CACNG2: variants seen among roughly 807,000 people sequenced by gnomAD.
The protein encoded by CACNG2 is voltage-dependent calcium channel gamma-2 subunit.
Under a neutral mutation model 25.9 loss-of-function variants are expected in CACNG2, and 3 were observed. That is an observed-to-expected ratio of 0.12 (90% CI 0.05 to 0.30). The LOEUF is 0.30. CACNG2 is among the 10% of genes least tolerant of loss of function. The pLI, the probability that CACNG2 is intolerant of heterozygous loss-of-function variation, is 1.00. For missense variants in CACNG2, 341 were observed against 432.5 expected (o/e 0.79, Z 1.88); for synonymous variants, 167 against 173.3 (o/e 0.96, Z 0.29).
rs568807519 is a variant in CACNG2 at position 36,637,926 on chromosome 22, G to T, written c.212-50378C>A. On this transcript the variant is annotated intron_variant, in intron 1 of 3. Coordinates refer to ENST00000300105, the MANE Select transcript of CACNG2 (RefSeq NM_006078.5). ...AGTCCCAGCTACTCAGGAGGCTGAG[G>T]CAGGAGAATGGCTTGAAGCTGGGAG... is the stretch of plus-strand genomic sequence containing the variant. Among the ~76,000 whole-genome samples the T allele has an allele frequency of 2.6e-5, 4 of 152,176 alleles. No individual in the cohort carries two copies. The South Asian group carries it at 8.3e-4, about 32-fold the overall frequency.
intron 2 of CACNG2, among the ~76,000 whole-genome samples, chr22:36,570,320 T>A (rs1351994261): frequency 1.3e-5 from 2 of 152,064 alleles, no homozygotes; most frequent in East Asian, 1.9e-4. Flanking sequence ...TGTGGAGGAA[T>A]CAGAACGGCT....
chr22:36,700,238 T>G (rs970862492), intron 1 of CACNG2, among the ~76,000 whole-genome samples: 2 of 152,092 alleles, frequency 1.3e-5, no homozygotes, highest in Non-Finnish European at 2.9e-5. Context: ...TTAAAGGGGG[T>G]GGGCAGCACA....
intron 1 of CACNG2, among the ~76,000 whole-genome samples, chr22:36,643,707 A>G (rs1936478136): frequency 6.6e-6 from 1 of 152,222 alleles, no homozygotes; most frequent in African/African-American, 2.4e-5. Flanking sequence ...CCTGACAGCC[A>G]AAGCAGAGAG....
chr22:36,626,787 AG>A (rs758369724), intron 1 of CACNG2, among the ~76,000 whole-genome samples: 1 of 152,242 alleles, frequency 6.6e-6, no homozygotes, highest in Non-Finnish European at 1.5e-5. Flanking sequence ...AGCTATACAT[AG>A]GGAGATCTTG....
chr22:36,680,228 C>T (rs1937085653), intron 1 of CACNG2, among the ~76,000 whole-genome samples: 3 of 150,658 alleles, frequency 2.0e-5, no homozygotes, highest in Admixed American at 2.0e-4. Context: ...ACTACCACCA[C>T]CATCATCACC....
intron 1 of CACNG2, among the ~76,000 whole-genome samples, chr22:36,668,611 C>G (rs1343228367): frequency 6.6e-6 from 1 of 152,048 alleles, no homozygotes; most frequent in Non-Finnish European, 1.5e-5. Context: ...GCCTCAGCCT[C>G]CAGAGTAGCT....
intron 1 of CACNG2, among the ~76,000 whole-genome samples, chr22:36,682,851 G>C (rs1018764015): frequency 5.3e-5 from 8 of 152,192 alleles, no homozygotes; most frequent in Non-Finnish European, 7.3e-5. Context: ...AATCTTCCCG[G>C]CATGGACGGC....
At chr22:36,617,076 T>C (rs539471933) in intron 1 of CACNG2, among the ~76,000 whole-genome samples, 8 of 152,160 alleles carry the variant, frequency 5.3e-5, no homozygotes, top group Non-Finnish European at 5.9e-5. Context: ...GGGTTTTCAA[T>C]GAAGTCTCTC....
In CACNG2 at chr22:36,566,202, C is replaced by A. The variant is rs370439174; in HGVS notation, c.436+151G>T. ...AGTTGCTACAGGACAGGAGCCCCCC[C>A]ACCACCTTCCTCCCCTGCAACACGA... On this transcript the variant is annotated intron_variant, in intron 3 of 3. Transcript: ENST00000300105. 5.0e-5 allele frequency: 39 copies of A among 774,916 alleles called. No homozygotes were observed. In the South Asian group the frequency reaches 6.2e-4, roughly 12 times the overall value. 48.0% of individuals were successfully genotyped at this position (774,916 alleles called of 1,614,324 possible).
At chr22:36,658,143 T>G (rs1257072008) in intron 1 of CACNG2, among the ~76,000 whole-genome samples, 1 of 152,134 alleles carries the variant, frequency 6.6e-6, no homozygotes, top group Non-Finnish European at 1.5e-5. Flanking sequence ...AAGAAACCAA[T>G]CTGGGAAACA....
intron 2 of CACNG2, among the ~76,000 whole-genome samples, chr22:36,570,529 G>A (rs956959100): frequency 1.3e-5 from 2 of 152,144 alleles, no homozygotes; most frequent in Non-Finnish European, 2.9e-5. Context: ...GGAGGCAGAG[G>A]TGGGTGGATC....
intron 1 of CACNG2, among the ~76,000 whole-genome samples, chr22:36,670,995 T>G (rs190634267): frequency 6.3e-4 from 95 of 151,904 alleles, no homozygotes; most frequent in African/African-American, 2.1e-3. Context: ...CTTGGCTCAC[T>G]GCAACCTCTG....
intron 1 of CACNG2, among the ~76,000 whole-genome samples, chr22:36,645,054 C>T (rs1484850174): frequency 6.6e-6 from 1 of 152,150 alleles, no homozygotes; most frequent in Non-Finnish European, 1.5e-5. Flanking sequence ...TCTCAGAATT[C>T]TAAGTCCTTC....
At chr22:36,593,475 AG>A (rs1172923205) in intron 1 of CACNG2, among the ~76,000 whole-genome samples, 1 of 152,168 alleles carries the variant, frequency 6.6e-6, no homozygotes, top group Non-Finnish European at 1.5e-5. Context: ...GATGAGGCCC[AG>A]GGAGGCCTGG....
At chr22:36,655,417 G>A (rs1282755186) in intron 1 of CACNG2, among the ~76,000 whole-genome samples, 1 of 152,110 alleles carries the variant, frequency 6.6e-6, no homozygotes, top group African/African-American at 2.4e-5. Flanking sequence ...GCCCACCCTA[G>A]TTTCTTCATA....
At chr22:36,567,772 G>C (rs770225323) in intron 2 of CACNG2, among the ~76,000 whole-genome samples, 5 of 152,130 alleles carry the variant, frequency 3.3e-5, no homozygotes, top group Non-Finnish European at 7.4e-5. Context: ...TCAGGACCCA[G>C]CTCCGTGTCC....
intron 1 of CACNG2, among the ~76,000 whole-genome samples, chr22:36,663,752 G>A (rs567954921): frequency 6.6e-5 from 10 of 152,182 alleles, no homozygotes; most frequent in Non-Finnish European, 7.3e-5. Flanking sequence ...GCAGGACCGC[G>A]TCATGGGGAC....
At chr22:36,584,567 A>C (rs1364289028) in intron 2 of CACNG2, 1 of 152,142 alleles carries the variant, frequency 6.6e-6, no homozygotes, top group African/African-American at 2.4e-5. Flanking sequence ...TATTTGGTTC[A>C]CTCTTGGATC....
chr22:36,636,949 C>T (rs1175233145), intron 1 of CACNG2, among the ~76,000 whole-genome samples: 1 of 152,194 alleles, frequency 6.6e-6, no homozygotes, highest in Non-Finnish European at 1.5e-5. Flanking sequence ...CATACTTGAT[C>T]CCTCCAGAGG....
Sources: allele counts gnomAD v4.1 joint callset (sites outside exome capture counted in the v4.1 genomes callset), GRCh38; gene constraint gnomAD v4.1.1; transcripts MANE v1.5; gene names NCBI Gene and HGNC (gene_info 2026-07-23, HGNC 2026-07-21).